CCDC141: variants seen among roughly 807,000 people sequenced by gnomAD.
CCDC141 encodes the protein coiled-coil domain-containing protein 141.
CCDC141 carries 168 observed loss-of-function variants against 181.0 expected under a neutral mutation model. The ratio of observed to expected loss-of-function variants is 0.93; its 90% CI spans 0.82 to 1.05. CCDC141 has a LOEUF of 1.05. CCDC141 is among the 50% of genes least tolerant of loss of function. CCDC141 has a pLI of 0.00. For synonymous variants in CCDC141, 666 were observed against 642.3 expected (o/e 1.04, Z -0.56); for missense variants, 1,902 against 1,788.5 (o/e 1.06, Z -1.14).
intron 2 of CCDC141, among the ~76,000 whole-genome samples, chr2:179,000,169 GT>G (rs2041926139): frequency 6.6e-6 from 1 of 151,676 alleles, no homozygotes; most frequent in Admixed American, 6.6e-5. Flanking sequence ...CCTGCCATCT[GT>G]TTTTGTATGG....
In CCDC141 at chr2:178,905,373, A is replaced by C; in HGVS notation, c.1221T>G (p.Ala407=). Residue 407 remains alanine (A), a synonymous_variant, in exon 8 of 24, where the codon GCT becomes GCG. Transcript: ENST00000443758. ...HRKIKDCTTD[A]LQKGQTLISQ... ...TGATTAAGGTTTGTCCCTTTTGCAA[A>C]GCATCAGTTGTGCAGTCTTTAATTT... The C allele has an allele frequency of 6.4e-7, 1 of 1,550,490 alleles. No homozygotes were observed. Among genetic ancestry groups the C allele is most frequent in the Non-Finnish European group, 8.7e-7 (1 of 1,146,886 alleles).
chr2:179,044,917 A>G (rs2043438671), intron 2 of CCDC141, among the ~76,000 whole-genome samples: 1 of 152,158 alleles, frequency 6.6e-6, no homozygotes, highest in Admixed American at 6.5e-5. Flanking sequence ...AGAGCTAAAC[A>G]ATAGGTGTTT....
chr2:179,022,651 T>C (rs2042722109), intron 2 of CCDC141, among the ~76,000 whole-genome samples: 1 of 152,240 alleles, frequency 6.6e-6, no homozygotes, highest in Non-Finnish European at 1.5e-5. Context: ...ACTTAATTAC[T>C]CAGATAGTGC....
At chr2:178,996,853 G>C (rs1692311745) in intron 2 of CCDC141, among the ~76,000 whole-genome samples, 1 of 152,120 alleles carries the variant, frequency 6.6e-6, no homozygotes, top group Non-Finnish European at 1.5e-5. Flanking sequence ...TTCTGCTTTG[G>C]GAATCTGTAG....
In CCDC141 at chr2:178,829,927, C is replaced by A. The variant is rs1173347546; in HGVS notation, c.*4246G>T. The A allele has an allele frequency of 3.3e-5, 5 of 152,156 alleles. No individual in the cohort carries two copies. The highest frequency in any genetic ancestry group is 5.9e-5 in the Non-Finnish European group (4 of 68,016). 9.4% of individuals were successfully genotyped at this position (152,156 alleles called of 1,614,324 possible). On this transcript the variant is annotated 3_prime_UTR_variant, in exon 24 of 24. Coordinates refer to ENST00000443758, the MANE Select transcript of CCDC141 (RefSeq NM_173648.4). ...AACAAAATAAGATATTCTTTCCTTT[C>A]TTCATTTGGAATTCAAATACTCTTA...
intron 2 of CCDC141, chr2:179,002,205 A>C (rs564253992): frequency 1.2e-5 from 3 of 256,764 alleles, no homozygotes; most frequent in Non-Finnish European, 2.3e-5. Context: ...TGTAGTCCAC[A>C]TCAGTGGTAG....
At chr2:178,888,485 T>C (rs1250485573) in intron 9 of CCDC141, 42 bp downstream of exon 9, 1 of 1,534,492 alleles carries the variant, frequency 6.5e-7, no homozygotes, top group Admixed American at 2.0e-5. Context: ...TATCATCTAT[T>C]ATCACCAACT....
rs962430668 is a variant in CCDC141, at chr2:178,855,527, T to C, written c.2880A>G (p.Lys960=). 5.0e-6 allele frequency: 8 copies of C among 1,585,710 alleles called. No individual in the cohort carries two copies. The African/African-American group carries it at 9.6e-5, about 19-fold the overall frequency. Residue 960 remains lysine, a synonymous_variant, in exon 19 of 24, where the codon AAA becomes AAG. Transcript: ENST00000443758. ...YAEKMQALKR[K]MEKVSNKTSD... Reference sequence around the variant, plus strand: ...AGGTTTTATTACTAACTTTTTCCATTTTCCTTTTCAAAGCCTGTGTGAAAA... The same window carrying C: ...AGGTTTTATTACTAACTTTTTCCATCTTCCTTTTCAAAGCCTGTGTGAAAA...
intron 6 of CCDC141, among the ~76,000 whole-genome samples, chr2:178,919,448 A>C (rs1321095508): frequency 6.6e-6 from 1 of 152,204 alleles, no homozygotes; most frequent in East Asian, 1.9e-4. Context: ...AAAGAGGCTA[A>C]AAAGGGAGAG....
At chr2:178,857,061 A>G (rs1337072490) in intron 17 of CCDC141, among the ~76,000 whole-genome samples, 1 of 152,218 alleles carries the variant, frequency 6.6e-6, no homozygotes, top group Non-Finnish European at 1.5e-5. Context: ...TTTCTCACAT[A>G]TCATACATAA....
rs1459762736 is a variant in CCDC141, at chr2:178,837,302, A to G, written c.3917T>C (p.Val1306Ala). 2 of 1,613,922 alleles carry G rather than the reference A, an allele frequency of 1.2e-6. No individual in the cohort carries two copies. Among genetic ancestry groups the G allele is most frequent in the African/African-American group, 2.7e-5 (2 of 74,902 alleles). Residue 1306 changes from valine to alanine, a missense_variant, in exon 23 of 24, where the codon GTG becomes GCG. By Grantham distance (64) the Val-to-Ala change is moderately conservative. Transcript: ENST00000443758. ...TCTGTGTAAGGCAGTACTCTTTTCC[A>G]CGAATCCTCTGGAGGTTAGTGGGGG... The part of the protein sequence containing the change: ...AEPPLTSRGF[V>A]EKSTALHRIS...
chr2:178,825,956 T>C (rs1474663203), downstream of CCDC141, among the ~76,000 whole-genome samples: 1 of 152,182 alleles, frequency 6.6e-6, no homozygotes, highest in Admixed American at 6.6e-5. Context: ...AAAATCTTAG[T>C]AACTTTTATG....
At chr2:178,888,128 T>C (rs567980177) in intron 9 of CCDC141, among the ~76,000 whole-genome samples, 1 of 152,292 alleles carries the variant, frequency 6.6e-6, no homozygotes, top group South Asian at 2.1e-4. Context: ...GGGATCTGTC[T>C]ATGTATCAAT....
rs535018772 is a variant in CCDC141 at position 178,848,064 on chromosome 2, G to A, written c.3357+1985C>T. On this transcript the variant is annotated intron_variant, in intron 21 of 23. Transcript: ENST00000443758. ...ATAGCAGCCAGGATGGACTAAGACA[G>A]GTAGGAAGGCACACAAGTGGCATGG... Among the ~76,000 whole-genome samples the A allele has an allele frequency of 6.6e-5, 10 of 152,314 alleles. No individual in the cohort carries two copies. In the South Asian group the frequency reaches 2.1e-3, roughly 32 times the overall value.
At chr2:179,029,069 ATG>A (rs1213896113) in intron 2 of CCDC141, among the ~76,000 whole-genome samples, 1 of 151,854 alleles carries the variant, frequency 6.6e-6, no homozygotes, top group Non-Finnish European at 1.5e-5. Flanking sequence ...CATGTGCCCC[ATG>A]TGTATTTTGC....
chr2:178,982,732 C>T (rs1295266326), intron 2 of CCDC141, among the ~76,000 whole-genome samples: 1 of 152,156 alleles, frequency 6.6e-6, no homozygotes, highest in Non-Finnish European at 1.5e-5. Flanking sequence ...CGGGTCACTC[C>T]CACCCGAATA....
At chr2:179,049,780 GT>G in intron 1 of CCDC141, 59 bp downstream of exon 1, 3 of 1,532,120 alleles carry the variant, frequency 2.0e-6, no homozygotes, top group Non-Finnish European at 2.7e-6. Context: ...GTTCTTTAGG[GT>G]TTTCAACACA....
intron 8 of CCDC141, among the ~76,000 whole-genome samples, chr2:178,890,705 C>T (rs1053593086): frequency 1.3e-5 from 2 of 152,110 alleles, no homozygotes; most frequent in Non-Finnish European, 2.9e-5. Context: ...TGCTCTAATT[C>T]AACACTGACA....
chr2:178,900,378 G>C (rs1355429337), intron 8 of CCDC141, among the ~76,000 whole-genome samples: 11 of 152,154 alleles, frequency 7.2e-5, no homozygotes, highest in Admixed American at 7.2e-4. Context: ...ACTAAGACTA[G>C]TGTCAAGGGA....
Sources: allele counts gnomAD v4.1 joint callset (sites outside exome capture counted in the v4.1 genomes callset), GRCh38; gene constraint gnomAD v4.1.1; transcripts MANE v1.5; gene names NCBI Gene and HGNC (gene_info 2026-07-23, HGNC 2026-07-21).